The following CPE variants were observed in gnomAD, a reference collection of about 807,000 sequenced individuals.
CPE encodes the protein carboxypeptidase E.
A neutral mutation model predicts 53.5 loss-of-function variants in CPE; 17 were observed. That is an observed-to-expected ratio of 0.32 (90% CI 0.22 to 0.48). CPE has a LOEUF of 0.48. CPE is among the 20% of genes least tolerant of loss of function. CPE has a pLI of 0.99. For synonymous variants in CPE, 226 were observed against 228.8 expected, an observed-to-expected ratio of 0.99 and a Z score of 0.11; for missense variants, 524 against 614.7, an observed-to-expected ratio of 0.85 and a Z score of 1.56.
chr4:165,465,329 A>T (rs1732077716), intron 2 of CPE, among the ~76,000 whole-genome samples: 1 of 152,172 alleles, frequency 6.6e-6, no homozygotes. Flanking sequence ...ACATAGTTTG[A>T]CATTGTAAGA....
At position 165,487,345 on chromosome 4, in the gene CPE, A is replaced by G. The variant is rs555769877; in HGVS notation, c.974-93A>G. ...GCTTCCCAAATGCCCTGGTTTGTGTACCTTTTACTTGGTTCTTGATTCAGA... is the reference window on the plus strand; with the variant it reads ...GCTTCCCAAATGCCCTGGTTTGTGTGCCTTTTACTTGGTTCTTGATTCAGA... On this transcript the variant is annotated intron_variant, in intron 5 of 8. Coordinates refer to ENST00000402744, the MANE Select transcript of CPE (RefSeq NM_001873.4). 1.5e-4 allele frequency: 229 copies of G among 1,530,196 alleles called. No individual in the cohort carries two copies. The African/African-American group carries it at 2.9e-3, about 20-fold the overall frequency. 94.8% of individuals were successfully genotyped at this position (1,530,196 alleles called of 1,614,324 possible). A position where few individuals can be genotyped will look rare whatever the true frequency, so the allele number is the denominator to read the frequency against.
In CPE at chr4:165,482,908, T is replaced by C. The variant is rs1489880030; in HGVS notation, c.790+549T>C. The stretch of plus-strand genomic sequence containing the variant: ...TTTAGCCAGACAGATATTTTCAAAT[T>C]GTTTTTTGTTGCTCCAGGGAATTTC... On this transcript the variant is annotated intron_variant, in intron 4 of 8. Transcript: ENST00000402744. Among the ~76,000 whole-genome samples the C allele has an allele frequency of 2.6e-5, 4 of 152,342 alleles. 1 individual carries two copies. The highest frequency in any genetic ancestry group is 1.3e-4 in the Admixed American group (2 of 15,302).
chr4:165,495,450 A>T (rs112823453), intron 7 of CPE, 109 bp from the exon 8 acceptor site: 1 of 656,082 alleles, frequency 1.5e-6, no homozygotes, highest in Non-Finnish European at 2.6e-6. Flanking sequence ...TCGAGAATCA[A>T]AAAAGGTGAA....
chr4:165,477,325 C>T (rs986824098), intron 3 of CPE, among the ~76,000 whole-genome samples: 1 of 151,770 alleles, frequency 6.6e-6, no homozygotes, highest in African/African-American at 2.4e-5. Context: ...AGTGTGACTT[C>T]TTTTCATAAA....
chr4:165,417,910 T>G (rs530767332), intron 1 of CPE, among the ~76,000 whole-genome samples: 11 of 152,280 alleles, frequency 7.2e-5, no homozygotes, highest in African/African-American at 2.4e-4. Context: ...ATTAACAAAG[T>G]CTGACTTACT....
intron 1 of CPE, among the ~76,000 whole-genome samples, chr4:165,433,580 C>T (rs886176104): frequency 7.9e-5 from 12 of 152,186 alleles, no homozygotes; most frequent in Admixed American, 6.5e-5. Flanking sequence ...CCCTGCCGGC[C>T]ATACGGTCTC....
At chr4:165,445,796 T>A (rs768627715) in intron 1 of CPE, among the ~76,000 whole-genome samples, 2 of 152,178 alleles carry the variant, frequency 1.3e-5, no homozygotes, top group African/African-American at 4.8e-5. Flanking sequence ...AATAAATGTT[T>A]TAGAATTCCA....
intron 6 of CPE, among the ~76,000 whole-genome samples, chr4:165,491,118 C>T (rs747102019): frequency 6.6e-6 from 1 of 152,198 alleles, no homozygotes; most frequent in Non-Finnish European, 1.5e-5. Flanking sequence ...ACATTTACTT[C>T]TTTAACTATT....
At chr4:165,394,571 G>A (rs902249380) in intron 1 of CPE, among the ~76,000 whole-genome samples, 2 of 152,084 alleles carry the variant, frequency 1.3e-5, no homozygotes, top group Admixed American at 6.6e-5. Context: ...AAAAATGGGT[G>A]AGGTTTCCTG....
At chr4:165,490,537 G>A (rs1319359433) in intron 6 of CPE, among the ~76,000 whole-genome samples, 1 of 150,488 alleles carries the variant, frequency 6.6e-6, no homozygotes, top group African/African-American at 2.4e-5. Flanking sequence ...GGAGGCTGAG[G>A]CAGGAGAATG....
intron 4 of CPE, 92 bp downstream of exon 4, chr4:165,482,451 C>T: frequency 1.2e-6 from 1 of 867,526 alleles, no homozygotes; most frequent in East Asian, 2.5e-5. Flanking sequence ...TTTTAAGGAA[C>T]TGAACATTAA....
rs35269093 is a variant in CPE at position 165,436,191 on chromosome 4, TACAC to T, written c.308-28178_308-28175del. Among the ~76,000 whole-genome samples, 398 of 149,174 alleles carry T rather than the reference TACAC, an allele frequency of 2.7e-3. 2 individuals carry two copies. Among genetic ancestry groups the T allele is most frequent in the Middle Eastern group, 0.014 (4 of 290 alleles). On this transcript the variant is annotated intron_variant, in intron 1 of 8. Coordinates refer to ENST00000402744, the MANE Select transcript of CPE (RefSeq NM_001873.4). ...ATTTTGCAGCATTTCCCAGCACACATACACACACACACACACACACACACGTGTG... is the reference window on the plus strand; with the variant it reads ...ATTTTGCAGCATTTCCCAGCACACATACACACACACACACACACACGTGTG...
chr4:165,464,689 T>C (rs1488771900), intron 2 of CPE, 103 bp downstream of exon 2: 3 of 987,498 alleles, frequency 3.0e-6, no homozygotes, highest in Non-Finnish European at 4.3e-6. Flanking sequence ...AGCTTACAGA[T>C]GGTGCAGTGG....
rs542646903 is a variant in CPE, at chr4:165,486,079, G to T, written c.974-1359G>T. On this transcript the variant is annotated intron_variant, in intron 5 of 8. Coordinates refer to ENST00000402744, the MANE Select transcript of CPE (RefSeq NM_001873.4). ...CCTTGAGAGAAAGGGACCAGCCTTT[G>T]GTGGCTCCATATCTGTCAGCCATTG... Among the ~76,000 whole-genome samples the T allele has an allele frequency of 3.3e-5, 5 of 152,282 alleles. No individual in the cohort carries two copies. In the South Asian group the frequency reaches 1.0e-3, roughly 32 times the overall value.
chr4:165,436,191 TAC>T (rs35269093), intron 1 of CPE, among the ~76,000 whole-genome samples: 53,853 of 148,800 alleles, frequency 0.36, 9,623 homozygotes, highest in Middle Eastern at 0.46. Flanking sequence ...CCAGCACACA[TAC>T]ACACACACAC....
At position 165,484,542 on chromosome 4, in the gene CPE, A is replaced by C. The variant is rs372078133; in HGVS notation, c.911A>C (p.Asp304Ala). Residue 304 changes from aspartate to alanine, a missense_variant, in exon 5 of 9, where the codon GAT (aspartate) becomes GCT (alanine). By Grantham distance (126) the Asp-to-Ala change is moderately radical. Coordinates refer to ENST00000402744, the MANE Select transcript of CPE (RefSeq NM_001873.4). Reference sequence around the variant, plus strand: ...AATCGGCCACCATGTCGCAAGAATGATGATGACAGCAGCTTTGTAGATGGA... The same window carrying C: ...AATCGGCCACCATGTCGCAAGAATGCTGATGACAGCAGCTTTGTAGATGGA... ...DPNRPPCRKN[D>A]DDSSFVDGTT... 1.3e-4 allele frequency: 204 copies of C among 1,614,034 alleles called. No individual in the cohort carries two copies. The highest frequency in any genetic ancestry group is 1.7e-4 in the Non-Finnish European group (200 of 1,179,998).
chr4:165,414,664 C>T (rs748194644), intron 1 of CPE, among the ~76,000 whole-genome samples: 3 of 151,200 alleles, frequency 2.0e-5, no homozygotes, highest in South Asian at 2.1e-4. Context: ...TCCTGGATAA[C>T]GTAGATATAG....
rs79665088 is a variant in CPE at position 165,475,113 on chromosome 4, G to A, written c.673-7129G>A. Reference sequence around the variant, plus strand: ...CTCTTAACATAAAGTAGTAACCTCCGGAGGACTTGAGGCTTGAGGTAAGAA... The same window carrying A: ...CTCTTAACATAAAGTAGTAACCTCCAGAGGACTTGAGGCTTGAGGTAAGAA... On this transcript the variant is annotated intron_variant, in intron 3 of 8. Coordinates refer to ENST00000402744, the MANE Select transcript of CPE (RefSeq NM_001873.4). Among the ~76,000 whole-genome samples, 73 of 152,254 alleles carry A rather than the reference G, an allele frequency of 4.8e-4. 1 individual carries two copies. The East Asian group carries it at 0.014, about 29-fold the overall frequency.
At chr4:165,392,167 A>G (rs941035934) in intron 1 of CPE, among the ~76,000 whole-genome samples, 16 of 148,708 alleles carry the variant, frequency 1.1e-4, no homozygotes, top group Admixed American at 5.4e-4. Context: ...GATGGAGCAT[A>G]TACTAATAGA....
Sources: allele counts gnomAD v4.1 joint callset (sites outside exome capture counted in the v4.1 genomes callset), GRCh38; gene constraint gnomAD v4.1.1; transcripts MANE v1.5; gene names NCBI Gene and HGNC (gene_info 2026-07-23, HGNC 2026-07-21).